The following DDX39B variants were observed in gnomAD, a reference collection of about 807,000 sequenced individuals.
DDX39B encodes spliceosome RNA helicase DDX39B.
DDX39B carries 6 observed loss-of-function variants against 46.4 expected under a neutral mutation model. That is an observed-to-expected ratio of 0.13 (90% CI 0.07 to 0.26). DDX39B has a LOEUF of 0.26. DDX39B is among the 10% of genes least tolerant of loss of function. The probability of loss-of-function intolerance (pLI) is 1.00; values close to 1 mark genes in which losing one functional copy is unlikely to be tolerated. For synonymous variants in DDX39B, 174 were observed against 199.4 expected, an observed-to-expected ratio of 0.87 and a Z score of 1.07; for missense variants, 185 against 553.4, an observed-to-expected ratio of 0.33 and a Z score of 6.68.
At chr6:31,538,464 C>T (rs1244796343) in intron 4 of DDX39B, among the ~76,000 whole-genome samples, 1 of 152,112 alleles carries the variant, frequency 6.6e-6, no homozygotes, top group Non-Finnish European at 1.5e-5. Flanking sequence ...GGCCAGAATC[C>T]TCAATATTCA....
chr6:31,541,619 G>A (rs1318422305), intron 1 of DDX39B: 1 of 477,614 alleles, frequency 2.1e-6, no homozygotes, highest in Non-Finnish European at 4.3e-6. Context: ...GAAGAGCCCC[G>A]CCCTCCGCAA....
intron 7 of DDX39B, among the ~76,000 whole-genome samples, chr6:31,532,024 G>A (rs778107048): frequency 1.5e-4 from 23 of 152,068 alleles, no homozygotes; most frequent in African/African-American, 4.3e-4. Flanking sequence ...AGAGACGGGC[G>A]TCTCCCTATG....
chr6:31,539,023 G>C (rs1410119125), intron 3 of DDX39B, 124 bp downstream of exon 3: 4 of 1,553,252 alleles, frequency 2.6e-6, no homozygotes, highest in African/African-American at 1.4e-5. Context: ...ACAGCTGTCA[G>C]GTTGTCAAGG....
At chr6:31,533,877 G>A (rs188893810) in intron 6 of DDX39B, 5 of 152,348 alleles carry the variant, frequency 3.3e-5, no homozygotes, top group Admixed American at 3.3e-4. Context: ...CAACTCCAAA[G>A]CCCAACTTTC....
At chr6:31,536,749 C>A in intron 4 of DDX39B, 66 bp from the exon 5 acceptor site, 1 of 1,562,968 alleles carries the variant, frequency 6.4e-7, no homozygotes, top group Non-Finnish European at 8.6e-7. Flanking sequence ...CCCAGGGTTC[C>A]CACTCTGTTT....
In DDX39B at chr6:31,531,459, G is replaced by A; in HGVS notation, c.868-54C>T. On this transcript the variant is annotated intron_variant, in intron 7 of 10. Coordinates refer to ENST00000396172, the MANE Select transcript of DDX39B (RefSeq NM_004640.7). This position sits in a 1 kb window ranked among gnomAD's most constrained non-coding sequence, Gnocchi z 5.8. Reference sequence around the variant, plus strand: ...AATTGGGGGAATAGGGGTCCATGGTGTGTGAGAGACATTACGTGGGAGAGG... The same window carrying A: ...AATTGGGGGAATAGGGGTCCATGGTATGTGAGAGACATTACGTGGGAGAGG... The A allele has an allele frequency of 1.3e-5, 19 of 1,517,014 alleles. No homozygotes were observed. Among genetic ancestry groups the A allele is most frequent in the Non-Finnish European group, 1.7e-5 (19 of 1,093,906 alleles). The allele number at this position is 1,517,014 out of a possible 1,614,324, so 94.0% of individuals were successfully genotyped here.
At position 31,535,445 on chromosome 6, in the gene DDX39B, G is replaced by C; in HGVS notation, c.657C>G (p.Pro219=). The change falls in exon 6 of 11, where the codon CCC becomes CCG. Residue 219 remains proline (P), a synonymous_variant. Transcript: ENST00000396172. This position sits in a 1 kb window ranked among gnomAD's most constrained non-coding sequence, Gnocchi z 4.6. ...TGAACATCATGACCTGCTTCTCGTG[G>C]GGGGTCATGCGAAAAATTTCCTGGA... ...RDVQEIFRMT[P]HEKQVMMFSA... 6.2e-7 allele frequency: 1 copy of C among 1,613,262 alleles called. No homozygotes were observed.
intron 6 of DDX39B, 199 bp from the exon 7 acceptor site, chr6:31,533,110 T>A (rs759124259): frequency 2.0e-6 from 1 of 501,088 alleles, no homozygotes; most frequent in Non-Finnish European, 3.7e-6. Context: ...TTCCTTCCTA[T>A]CAGATGAGTT....
Position 31,532,872 on chromosome 6 carries a change from G to A in DDX39B, c.775C>T (p.Leu259=), listed in dbSNP as rs146663708. 9.8e-5 allele frequency: 156 copies of A among 1,588,980 alleles called. No individual in the cohort carries two copies. The highest frequency in any genetic ancestry group is 1.3e-4 in the Non-Finnish European group (152 of 1,166,018). ...ACGTAGTACTGCTGCAACCCATGCA[G>A]CGTCAACTTCGTCTCATCATCCACG... ...IFVDDETKLT[L]HGLQQYYVKL... is the part of the protein sequence containing the mutation. The change falls in exon 7 of 11, where the codon CTG becomes TTG. Residue 259 remains leucine, a synonymous_variant. Coordinates refer to ENST00000396172, the MANE Select transcript of DDX39B (RefSeq NM_004640.7).
At chr6:31,541,003 G>A (rs1370380490) in intron 1 of DDX39B, 2 of 447,848 alleles carry the variant, frequency 4.5e-6, no homozygotes, top group African/African-American at 4.1e-5. Flanking sequence ...ACTTAGTAAA[G>A]TGGAAAATGG....
chr6:31,537,944 A>C (rs1767967971), intron 4 of DDX39B, among the ~76,000 whole-genome samples: 3 of 152,134 alleles, frequency 2.0e-5, no homozygotes, highest in Admixed American at 2.0e-4. Flanking sequence ...TTGAGGCGGG[A>C]GAATCGCTTG....
At chr6:31,536,058 A>C (rs1169929169) in intron 5 of DDX39B, among the ~76,000 whole-genome samples, 2 of 152,206 alleles carry the variant, frequency 1.3e-5, no homozygotes, top group Non-Finnish European at 2.9e-5. Context: ...AGAATACCAC[A>C]TCACACAAAC....
chr6:31,541,993 G>A lies in DDX39B; in HGVS notation c.-176C>T, dbSNP rs553895415. ...TATGGCGGCAGCAACAGCGACGAAGGAGGGAAATCTGCCTTCACTTCCGGT... is the reference window on the plus strand; with the variant it reads ...TATGGCGGCAGCAACAGCGACGAAGAAGGGAAATCTGCCTTCACTTCCGGT... On this transcript the variant is annotated 5_prime_UTR_variant, in exon 1 of 11. Transcript: ENST00000396172. The A allele has an allele frequency of 4.4e-6, 3 of 679,822 alleles. No individual in the cohort carries two copies. The highest frequency in any genetic ancestry group is 2.9e-4 in the Middle Eastern group (1 of 3,436). 42.1% of individuals were successfully genotyped at this position (679,822 alleles called of 1,614,324 possible).
chr6:31,540,541 C>T lies in DDX39B; in HGVS notation c.-9G>A, dbSNP rs1768289045. Reference sequence around the variant, plus strand: ...ACATCGTTCTCTGCCATAACTGGGCCGGCAGGGGAAGAAGGGAAGGGGGAT... The same window carrying T: ...ACATCGTTCTCTGCCATAACTGGGCTGGCAGGGGAAGAAGGGAAGGGGGAT... On this transcript the variant is annotated 5_prime_UTR_variant, in exon 2 of 11. Coordinates refer to ENST00000396172, the MANE Select transcript of DDX39B (RefSeq NM_004640.7). 6.2e-7 allele frequency: 1 copy of T among 1,613,412 alleles called. No homozygotes were observed. The highest frequency in any genetic ancestry group is 1.1e-5 in the South Asian group (1 of 91,074).
chr6:31,540,176 T>C, intron 2 of DDX39B, 146 bp downstream of exon 2: 2 of 870,212 alleles, frequency 2.3e-6, no homozygotes, highest in Non-Finnish European at 3.5e-6. Context: ...CCCAAAGTGC[T>C]GGGATTACAG....
Position 31,540,556 on chromosome 6 carries a change from G to A in DDX39B, c.-24C>T. The A allele has an allele frequency of 6.2e-7, 1 of 1,612,784 alleles. No individual in the cohort carries two copies. Among genetic ancestry groups the A allele is most frequent in the Non-Finnish European group, 8.5e-7 (1 of 1,179,318 alleles). The stretch of plus-strand genomic sequence containing the variant: ...ATAACTGGGCCGGCAGGGGAAGAAG[G>A]GAAGGGGGATCTGGATGGGTTCTCG... On this transcript the variant is annotated 5_prime_UTR_variant, in exon 2 of 11. Coordinates refer to ENST00000396172, the MANE Select transcript of DDX39B (RefSeq NM_004640.7).
At position 31,538,863 on chromosome 6, in the gene DDX39B, AG is replaced by A; in HGVS notation, c.340-9del. 1 of 1,612,868 alleles carries A rather than the reference AG, an allele frequency of 6.2e-7. No homozygotes were observed. The highest frequency in any genetic ancestry group is 8.5e-7 in the Non-Finnish European group (1 of 1,178,866). On this transcript the variant is annotated splice_polypyrimidine_tract_variant and intron_variant, in intron 3 of 10. Transcript: ENST00000396172. ...CATCACCAGTACAGACACCTTAGGC[AG>A]GAAGTAGACGGAGACATATGGTAAA...
At chr6:31,540,186 G>A in intron 2 of DDX39B, 136 bp downstream of exon 2, 1 of 951,010 alleles carries the variant, frequency 1.1e-6, no homozygotes, top group Non-Finnish European at 1.6e-6. Flanking sequence ...TGGGATTACA[G>A]GCGTGAGCCA....
intron 5 of DDX39B, 139 bp downstream of exon 5, chr6:31,536,361 C>T (rs1767782434): frequency 8.1e-7 from 1 of 1,236,828 alleles, no homozygotes; most frequent in Non-Finnish European, 1.2e-6. Flanking sequence ...TAAAGACCAA[C>T]CAGGGAACCC....
Sources: gnomAD v4.1 joint callset for allele counts (sites outside exome capture counted in the v4.1 genomes callset) on GRCh38, gnomAD v4.1.1 for gene constraint, Gnocchi (gnomAD v3.1) non-coding constraint, MANE v1.5 for transcripts, NCBI Gene and HGNC (gene_info 2026-07-23, HGNC 2026-07-21) for gene names.